The following CD36 variants were observed in gnomAD, a reference collection of about 807,000 sequenced individuals.
CD36 encodes platelet glycoprotein 4.
In CD36, 119 loss-of-function variants were observed where a neutral mutation model predicts 55.2. The observed-to-expected ratio is 2.15, with a 90% CI of 1.86 to 2.51. The LOEUF is 2.51. Ranked by LOEUF, CD36 falls within the 30% of genes most tolerant of loss-of-function variation. CD36 has a pLI of 0.00. For missense variants in CD36, 819 were observed against 555.5 expected, an observed-to-expected ratio of 1.47 and a Z score of -4.77; for synonymous variants, 186 against 193.6, an observed-to-expected ratio of 0.96 and a Z score of 0.33.
chr7:80,654,646 A>G (rs1367971929), intron 3 of CD36, among the ~76,000 whole-genome samples: 1 of 152,146 alleles, frequency 6.6e-6, no homozygotes. Context: ...GCAAATAAAA[A>G]GTTTTTCAAG....
chr7:80,633,385 A>G (rs998262204), intron 1 of CD36: 1 of 151,974 alleles, frequency 6.6e-6, no homozygotes, highest in African/African-American at 2.4e-5. Flanking sequence ...TCTACTTTTA[A>G]TGCAGTATGT....
In CD36 at chr7:80,646,697, A is replaced by G. The variant is rs779877834; in HGVS notation, c.-44A>G. 6.2e-7 allele frequency: 1 copy of G among 1,613,236 alleles called. No homozygotes were observed. Among genetic ancestry groups the G allele is most frequent in the South Asian group, 1.1e-5 (1 of 91,062 alleles). ...ACTTTAATCATATCCAGGAGTTTGC[A>G]AGAAACAGGTGCTTAACACTAATTC... On this transcript the variant is annotated 5_prime_UTR_variant, in exon 3 of 15. Transcript: ENST00000447544.
chr7:80,670,154 C>A, intron 9 of CD36, 132 bp downstream of exon 9: 2 of 688,246 alleles, frequency 2.9e-6, no homozygotes, highest in South Asian at 1.6e-5. Flanking sequence ...TGTTCTTCTG[C>A]ATCTTCCAAT....
chr7:80,674,062 A>C lies in CD36; in HGVS notation c.1334A>C (p.Glu445Ala), dbSNP rs1381074361. ...AAAATAAACCTCCTTGGCCTGATAGAAATGATCTTACTCAGTGTTGGTGTG... is the reference window on the plus strand; with the variant it reads ...AAAATAAACCTCCTTGGCCTGATAGCAATGATCTTACTCAGTGTTGGTGTG... ...TGKINLLGLI[E>A]MILLSVGVVM... Residue 445 changes from glutamate (E) to alanine (A), a missense_variant, in exon 14 of 15, where the codon GAA (glutamate) becomes GCA (alanine). By Grantham distance (107) the Glu-to-Ala change is moderately radical. Coordinates refer to ENST00000447544, the MANE Select transcript of CD36 (RefSeq NM_001001548.3). 1 of 1,612,274 alleles carries C rather than the reference A, an allele frequency of 6.2e-7. No homozygotes were observed. The highest frequency in any genetic ancestry group is 1.3e-5 in the African/African-American group (1 of 74,864).
intron 3 of CD36, among the ~76,000 whole-genome samples, chr7:80,648,279 G>A (rs1384229774): frequency 6.6e-6 from 1 of 152,050 alleles, no homozygotes; most frequent in Non-Finnish European, 1.5e-5. Flanking sequence ...TGCAGAGAAA[G>A]TACAAGATCA....
chr7:80,658,780 C>A (rs1796290648), intron 4 of CD36, among the ~76,000 whole-genome samples: 1 of 152,074 alleles, frequency 6.6e-6, no homozygotes, highest in South Asian at 2.1e-4. Context: ...ACAGGTGTGA[C>A]CCACCATGCC....
chr7:80,626,254 C>A (rs1793730590), intron 1 of CD36: 1 of 152,034 alleles, frequency 6.6e-6, no homozygotes, highest in East Asian at 1.9e-4. Context: ...CAGATAAGTT[C>A]TTCTATCATA....
intron 1 of CD36, among the ~76,000 whole-genome samples, chr7:80,642,514 C>T (rs868620741): frequency 3.3e-5 from 5 of 152,150 alleles, no homozygotes; most frequent in Admixed American, 6.5e-5. Flanking sequence ...ATTTGGTGCA[C>T]GTCTTACGTA....
At chr7:80,627,063 T>G (rs1342012118) in intron 1 of CD36, among the ~76,000 whole-genome samples, 1 of 152,068 alleles carries the variant, frequency 6.6e-6, no homozygotes, top group Non-Finnish European at 1.5e-5. Context: ...TACTGTCCTT[T>G]TCTCCTGGGT....
upstream of CD36, among the ~76,000 whole-genome samples, chr7:80,635,027 G>C (rs879578459): frequency 1.3e-5 from 2 of 151,962 alleles, no homozygotes; most frequent in Non-Finnish European, 2.9e-5. Context: ...TGGAAAAAAA[G>C]GTGAAAAGGA....
chr7:80,667,371 A>C (rs947139935), intron 8 of CD36, among the ~76,000 whole-genome samples: 3 of 146,308 alleles, frequency 2.1e-5, no homozygotes, highest in African/African-American at 7.6e-5. Context: ...TGGAGGCTGC[A>C]GTGAGCTATA....
chr7:80,627,299 G>GT (rs2116010368), intron 1 of CD36, among the ~76,000 whole-genome samples: 1 of 152,126 alleles, frequency 6.6e-6, no homozygotes, highest in South Asian at 2.1e-4. Flanking sequence ...TGCCCCTGTG[G>GT]TTGACGATAT....
At chr7:80,603,337 A>G (rs976371349) in intron 1 of CD36, among the ~76,000 whole-genome samples, 4 of 152,124 alleles carry the variant, frequency 2.6e-5, no homozygotes, top group African/African-American at 9.7e-5. Flanking sequence ...AAAAAAGGTC[A>G]CTTTCTTTTA....
At chr7:80,606,617 T>A (rs1182602827) in intron 1 of CD36, among the ~76,000 whole-genome samples, 1 of 152,186 alleles carries the variant, frequency 6.6e-6, no homozygotes, top group Non-Finnish European at 1.5e-5. Context: ...CTTTGCCGCA[T>A]GTACTGAGTT....
intron 1 of CD36, among the ~76,000 whole-genome samples, chr7:80,614,393 C>T (rs1793033318): frequency 1.3e-5 from 2 of 152,118 alleles, no homozygotes; most frequent in African/African-American, 4.8e-5. Context: ...ATATTTTATA[C>T]ACCCACTGGC....
At chr7:80,617,935 T>C (rs1328984726) in intron 1 of CD36, among the ~76,000 whole-genome samples, 1 of 152,126 alleles carries the variant, frequency 6.6e-6, no homozygotes, top group African/African-American at 2.4e-5. Flanking sequence ...ATTGGAAAAA[T>C]TACTTAGTTT....
At chr7:80,626,848 GC>G (rs1417150744) in intron 1 of CD36, among the ~76,000 whole-genome samples, 1 of 151,986 alleles carries the variant, frequency 6.6e-6, no homozygotes, top group Non-Finnish European at 1.5e-5. Flanking sequence ...TTTTAGTCAT[GC>G]TTTTAGGTTC....
At chr7:80,658,246 A>G (rs1796244796) in intron 4 of CD36, among the ~76,000 whole-genome samples, 1 of 151,900 alleles carries the variant, frequency 6.6e-6, no homozygotes, top group African/African-American at 2.4e-5. Context: ...TCTTGTTGCA[A>G]AGAATGTTGT....
At chr7:80,663,567 CTTACAATTTTAAT>C (rs144230769) in intron 6 of CD36, among the ~76,000 whole-genome samples, 2,294 of 152,144 alleles carry the variant, frequency 0.015, 57 homozygotes, top group African/African-American at 0.052. Context: ...TTCTAGACCT[CTTACAATTTTAAT>C]TTATATTTAA....
Sources: gnomAD v4.1 joint callset for allele counts (sites outside exome capture counted in the v4.1 genomes callset) on GRCh38, gnomAD v4.1.1 for gene constraint, MANE v1.5 for transcripts, NCBI Gene and HGNC (gene_info 2026-07-23, HGNC 2026-07-21) for gene names.